GABRP: variants seen among roughly 807,000 people sequenced by gnomAD.
The protein encoded by GABRP is gamma-aminobutyric acid type A receptor subunit pi, also known as gamma-aminobutyric acid receptor subunit pi.
GABRP carries 52 observed loss-of-function variants against 47.8 expected under a neutral mutation model. That is an observed-to-expected ratio of 1.09 (90% CI 0.87 to 1.37). The LOEUF (loss-of-function observed/expected upper bound fraction) is 1.37. Ranked by LOEUF, GABRP falls within the 40% of genes most tolerant of loss-of-function variation. The probability of loss-of-function intolerance (pLI) is 0.00; values close to 1 mark genes in which losing one functional copy is unlikely to be tolerated. For missense variants in GABRP, 525 were observed against 542.8 expected, an observed-to-expected ratio of 0.97 and a Z score of 0.33; for synonymous variants, 221 against 205.8, an observed-to-expected ratio of 1.07 and a Z score of -0.63.
chr5:170,792,815 G>A (rs1404090800), intron 3 of GABRP, among the ~76,000 whole-genome samples: 2 of 152,186 alleles, frequency 1.3e-5, no homozygotes, highest in Admixed American at 6.5e-5. Context: ...TCCTACCGAT[G>A]AGATGTTTTT....
At chr5:170,800,556 G>T (rs1365066792) in intron 6 of GABRP, among the ~76,000 whole-genome samples, 2 of 152,168 alleles carry the variant, frequency 1.3e-5, no homozygotes, top group Non-Finnish European at 2.9e-5. Flanking sequence ...AGACTTCTTG[G>T]AGGAGGTAAC....
intron 5 of GABRP, 145 bp downstream of exon 5, chr5:170,795,570 T>A (rs988490958): frequency 1.9e-5 from 13 of 667,676 alleles, no homozygotes; most frequent in Non-Finnish European, 2.9e-5. Context: ...TAATAGAAGG[T>A]CCCTCTCTCA....
chr5:170,807,262 T>C (rs1765759945), intron 7 of GABRP, among the ~76,000 whole-genome samples: 1 of 152,208 alleles, frequency 6.6e-6, no homozygotes, highest in African/African-American at 2.4e-5. Flanking sequence ...TTTCCAAAAT[T>C]TAAGTAATTA....
upstream of GABRP, among the ~76,000 whole-genome samples, chr5:170,783,465 A>T (rs1271668929): frequency 6.6e-6 from 1 of 152,132 alleles, no homozygotes; most frequent in Non-Finnish European, 1.5e-5. Context: ...CACCCACTTT[A>T]TCTGACTCTC....
chr5:170,799,462 T>C (rs34219195), intron 6 of GABRP, among the ~76,000 whole-genome samples: 37,801 of 152,020 alleles, frequency 0.25, 4,931 homozygotes, highest in African/African-American at 0.3. Flanking sequence ...GACTTTTTAA[T>C]GATTGCCATT....
rs756455222 is a variant in GABRP at position 170,809,637 on chromosome 5, G to C, written c.902G>C (p.Cys301Ser). The change falls in exon 9 of 10, where the codon TGC (cysteine) becomes TCC (serine). Residue 301 changes from cysteine to serine, a missense_variant. Coordinates refer to ENST00000265294, the MANE Select transcript of GABRP (RefSeq NM_014211.3). ...CGCACTTCTCTTCCCAACACCAACT[G>C]CTTCATCAAGGCCATCGATGTGTAC... ...GSRTSLPNTN[C>S]FIKAIDVYLG... is the part of the protein sequence containing the mutation. 5 of 1,614,150 alleles carry C rather than the reference G, an allele frequency of 3.1e-6. No homozygotes were observed. Among genetic ancestry groups the C allele is most frequent in the Non-Finnish European group, 4.2e-6 (5 of 1,180,024 alleles).
Position 170,783,809 on chromosome 5 carries a change from C to G in GABRP, c.-108C>G, listed in dbSNP as rs1322895055. 6.6e-6 allele frequency: 1 copy of G among 152,544 alleles called. No individual in the cohort carries two copies. The highest frequency in any genetic ancestry group is 6.5e-5 in the Admixed American group (1 of 15,310). The allele number at this position is 152,544 out of a possible 1,614,324, so 9.4% of individuals were successfully genotyped here. Reference sequence around the variant, plus strand: ...AACCCTGGGGACCCAGAAGACCGTGCCTTGCCTGGAAGTCCTGCCTGTAGG... The same window carrying G: ...AACCCTGGGGACCCAGAAGACCGTGGCTTGCCTGGAAGTCCTGCCTGTAGG... On this transcript the variant is annotated 5_prime_UTR_variant, in exon 1 of 10. Transcript: ENST00000265294.
At chr5:170,786,693 C>T (rs1018390368) in intron 1 of GABRP, among the ~76,000 whole-genome samples, 1 of 152,136 alleles carries the variant, frequency 6.6e-6, no homozygotes, top group Non-Finnish European at 1.5e-5. Context: ...AGTATTCTCA[C>T]CTGTAAAATG....
Position 170,789,222 on chromosome 5 carries a change from C to T in GABRP, c.147C>T (p.Asn49=), listed in dbSNP as rs143479635. Residue 49 remains asparagine, a synonymous_variant, in exon 3 of 10, where the codon AAC becomes AAT. Coordinates refer to ENST00000265294, the MANE Select transcript of GABRP (RefSeq NM_014211.3). ...PGFENLTAGY[N]KFLRPNFGGE... ...TTGAGAACCTCACAGCAGGATATAA[C>T]AAATTTCTCAGGCCCAATTTTGGTG... 156 of 1,613,740 alleles carry T rather than the reference C, an allele frequency of 9.7e-5. No individual in the cohort carries two copies. Among genetic ancestry groups the T allele is most frequent in the Non-Finnish European group, 1.2e-4 (147 of 1,179,810 alleles).
intron 6 of GABRP, among the ~76,000 whole-genome samples, chr5:170,800,481 AG>A (rs1765562371): frequency 6.6e-6 from 1 of 152,150 alleles, no homozygotes; most frequent in Admixed American, 6.5e-5. Flanking sequence ...TTCTGTGCAA[AG>A]CACTGTGATA....
Position 170,812,203 on chromosome 5 carries a change from C to G in GABRP, c.1268C>G (p.Pro423Arg), listed in dbSNP as rs1765909836. The G allele has an allele frequency of 6.2e-7, 1 of 1,613,728 alleles. No homozygotes were observed. The highest frequency in any genetic ancestry group is 1.3e-5 in the African/African-American group (1 of 74,880). The change falls in exon 10 of 10, where the codon CCT becomes CGT. Residue 423 changes from proline (P) to arginine (R), a missense_variant. Transcript: ENST00000265294. The part of the protein sequence containing the change: ...NVDHYSKLLF[P>R]LIFMLANVFY... ...GATCACTATTCCAAACTACTGTTTC[C>G]TTTGATTTTTATGCTAGCCAATGTA...
At chr5:170,795,028 C>T (rs2127255552) in intron 4 of GABRP, among the ~76,000 whole-genome samples, 180 bp from the exon 5 acceptor site, 1 of 145,938 alleles carries the variant, frequency 6.9e-6, no homozygotes, top group African/African-American at 2.5e-5. Flanking sequence ...TATCAGTTAC[C>T]CCAGTCTTGG....
At chr5:170,784,861 T>C (rs558402248) in intron 1 of GABRP, among the ~76,000 whole-genome samples, 2 of 152,340 alleles carry the variant, frequency 1.3e-5, no homozygotes, top group South Asian at 4.1e-4. Flanking sequence ...AGAGATGCCC[T>C]CGGGGCAGGA....
At chr5:170,790,580 G>C (rs948779705) in intron 3 of GABRP, among the ~76,000 whole-genome samples, 1 of 152,156 alleles carries the variant, frequency 6.6e-6, no homozygotes, top group East Asian at 1.9e-4. Flanking sequence ...GGCAGCGGGA[G>C]AGGCAAGCTA....
chr5:170,811,977 G>A lies in GABRP; in HGVS notation c.1042G>A (p.Glu348Lys), dbSNP rs1673679568. Residue 348 changes from glutamate to lysine, a missense_variant, in exon 10 of 10, where the codon GAA becomes AAA. Glu to Lys is a moderately conservative substitution (Grantham distance 56). Coordinates refer to ENST00000265294, the MANE Select transcript of GABRP (RefSeq NM_014211.3). ...KDRGTTKEVE[E>K]VSITNIINSS... ...CTAGGGGACAACAAAGGAAGTAGAAGAAGTCAGTATTACTAATATCATCAA... is the reference window on the plus strand; with the variant it reads ...CTAGGGGACAACAAAGGAAGTAGAAAAAGTCAGTATTACTAATATCATCAA... 2 of 1,613,792 alleles carry A rather than the reference G, an allele frequency of 1.2e-6. No homozygotes were observed. The highest frequency in any genetic ancestry group is 1.3e-5 in the African/African-American group (1 of 74,902).
chr5:170,797,174 A>T (rs1417937336), intron 5 of GABRP, among the ~76,000 whole-genome samples: 1 of 152,222 alleles, frequency 6.6e-6, no homozygotes, highest in East Asian at 1.9e-4. Flanking sequence ...TAAAAACTGG[A>T]TGCTAAAGCA....
At chr5:170,804,968 T>G (rs1265469163) in intron 6 of GABRP, among the ~76,000 whole-genome samples, 1 of 97,938 alleles carries the variant, frequency 1.0e-5, no homozygotes, top group African/African-American at 7.8e-5. Flanking sequence ...ATATATACGT[T>G]TATATATTAT....
rs929509633 is a variant in GABRP, at chr5:170,812,850, A to G, written c.*592A>G. 5 of 152,334 alleles carry G rather than the reference A, an allele frequency of 3.3e-5. No homozygotes were observed. The highest frequency in any genetic ancestry group is 1.3e-4 in the Admixed American group (2 of 15,300). The allele number at this position is 152,334 out of a possible 1,614,324, so 9.4% of individuals were successfully genotyped here. A position where few individuals can be genotyped will look rare whatever the true frequency, so the allele number is the denominator to read the frequency against. ...ACAACAGAATTATCCCCAATTTCCA[A>G]TAAGTCCTATCATTGAAAATTCAAA... On this transcript the variant is annotated 3_prime_UTR_variant, in exon 10 of 10. Transcript: ENST00000265294.
chr5:170,807,024 C>T (rs907292839), intron 7 of GABRP, among the ~76,000 whole-genome samples: 8 of 152,224 alleles, frequency 5.3e-5, no homozygotes, highest in Middle Eastern at 3.4e-3. Context: ...TCTCAGCTCA[C>T]GGCAAAATTC....
Sources: allele counts gnomAD v4.1 joint callset (sites outside exome capture counted in the v4.1 genomes callset), GRCh38; gene constraint gnomAD v4.1.1; transcripts MANE v1.5; gene names NCBI Gene and HGNC (gene_info 2026-07-23, HGNC 2026-07-21).